The following MYO9B variants were observed in gnomAD, a reference collection of about 807,000 sequenced individuals.
MYO9B encodes the protein myosin IXB.
Under a neutral mutation model 229.5 loss-of-function variants are expected in MYO9B, and 71 were observed. That is an observed-to-expected ratio of 0.31 (90% CI 0.26 to 0.38). The LOEUF is 0.38. Among genes scored for constraint, MYO9B ranks in the 10% least tolerant of loss-of-function variants. The pLI is 1.00. For synonymous variants in MYO9B, 1,185 were observed against 1,235.8 expected (o/e 0.96, Z 0.86); for missense variants, 2,255 against 2,920.5 (o/e 0.77, Z 5.25).
chr19:17,161,767 G>A (rs111318840), intron 8 of MYO9B, among the ~76,000 whole-genome samples: 4,227 of 152,136 alleles, frequency 0.028, 87 homozygotes, highest in South Asian at 0.089. Context: ...AGTGAGCCAA[G>A]ACTGTGTCAC....
rs13345048 is a variant in MYO9B, at chr19:17,198,506, G to A, written c.4238+198G>A. 3.9e-3 allele frequency among the ~76,000 whole-genome samples: 592 copies of A among 152,226 alleles called. 6 individuals carry two copies. Among genetic ancestry groups the A allele is most frequent in the African/African-American group, 0.014 (570 of 41,542 alleles). On this transcript the variant is annotated intron_variant, in intron 24 of 39. Coordinates refer to ENST00000682292, the MANE Select transcript of MYO9B (RefSeq NM_004145.4). ...TCCCAGCACTTTGGGATGCCGAGAC[G>A]GGTGGATCACTTGAGGTCAGGAGTT...
chr19:17,107,599 CG>C (rs959149668), intron 2 of MYO9B, among the ~76,000 whole-genome samples: 1 of 152,178 alleles, frequency 6.6e-6, no homozygotes, highest in African/African-American at 2.4e-5. Context: ...AAGGTGTCCA[CG>C]GGGCCGCACT....
chr19:17,133,710 C>T (rs1369865561), intron 2 of MYO9B, among the ~76,000 whole-genome samples: 1 of 152,044 alleles, frequency 6.6e-6, no homozygotes, highest in African/African-American at 2.4e-5. Context: ...TCTCTGCCTC[C>T]CAAAGTGCTG....
Position 17,194,708 on chromosome 19 carries a change from G to A in MYO9B, c.3281G>A (p.Gly1094Asp). Residue 1094 changes from glycine to aspartate, a missense_variant, in exon 22 of 40, where the codon GGC becomes GAC. Physicochemically the swap from Gly to Asp is moderately conservative, Grantham distance 94. Around this residue, in one of 7 missense-constraint regions of MYO9B, gnomAD observed 679 missense variants for 770.2 expected, o/e 0.88. Coordinates refer to ENST00000682292, the MANE Select transcript of MYO9B (RefSeq NM_004145.4). ...AEQGPEPAEDGGHLASEPEVQ... is the reference protein window; with the variant it reads ...AEQGPEPAEDDGHLASEPEVQ... ...CAGGGGCCGGAGCCAGCGGAGGATG[G>A]CGGGCACCTGGCATCGGAGCCTGAG... is the stretch of plus-strand genomic sequence containing the variant. 1 of 1,612,886 alleles carries A rather than the reference G, an allele frequency of 6.2e-7. No homozygotes were observed. Among genetic ancestry groups the A allele is most frequent in the Non-Finnish European group, 8.5e-7 (1 of 1,179,886 alleles).
At chr19:17,078,248 GA>G (rs775113325) in intron 1 of MYO9B, among the ~76,000 whole-genome samples, 10 of 152,174 alleles carry the variant, frequency 6.6e-5, no homozygotes, top group Non-Finnish European at 1.5e-4. Flanking sequence ...TTCCTCTTCA[GA>G]AAGAATGGAG....
intron 2 of MYO9B, among the ~76,000 whole-genome samples, chr19:17,108,156 C>G (rs1230331863): frequency 6.6e-6 from 1 of 152,222 alleles, no homozygotes; most frequent in African/African-American, 2.4e-5. Context: ...CTCTGTGAGT[C>G]AGACCCCCGG....
intron 21 of MYO9B, 70 bp from the exon 22 acceptor site, chr19:17,194,486 A>T (rs980199306): frequency 2.0e-5 from 31 of 1,544,720 alleles, no homozygotes; most frequent in Middle Eastern, 3.5e-4. Context: ...TGGGGGTCCC[A>T]TCGGAACTCA....
intron 16 of MYO9B, 33 bp downstream of exon 16, chr19:17,183,901 TC>T: frequency 6.5e-7 from 1 of 1,544,334 alleles, no homozygotes; most frequent in Non-Finnish European, 8.7e-7. Context: ...CGCGACACGT[TC>T]CAAGATATCT....
chr19:17,211,474 T>G (rs1456347569), intron 38 of MYO9B, among the ~76,000 whole-genome samples, 173 bp from the exon 39 acceptor site: 1 of 151,948 alleles, frequency 6.6e-6, no homozygotes, highest in Non-Finnish European at 1.5e-5. Flanking sequence ...AGGGTCCGCC[T>G]ATGTTGCCCA....
At chr19:17,176,292 T>C (rs1039138442) in intron 14 of MYO9B, among the ~76,000 whole-genome samples, 1 of 152,092 alleles carries the variant, frequency 6.6e-6, no homozygotes, top group African/African-American at 2.4e-5. Flanking sequence ...CGCCTCAGCC[T>C]CCCAAAGTGC....
At chr19:17,123,411 A>T (rs2057983511) in intron 2 of MYO9B, among the ~76,000 whole-genome samples, 1 of 143,460 alleles carries the variant, frequency 7.0e-6, no homozygotes, top group Non-Finnish European at 1.5e-5. Context: ...CACTGCCTTT[A>T]TACAGTAGAA....
At position 17,198,255 on chromosome 19, in the gene MYO9B, C is replaced by T. The variant is rs370463041; in HGVS notation, c.4185C>T (p.Asp1395=). ...KPAVQKKKPG[D]ASSLPDAGLS... The stretch of plus-strand genomic sequence containing the variant: ...CTGTCCAGAAGAAGAAGCCAGGCGA[C>T]GCATCCTCCCTCCCAGACGCAGGGC... Residue 1395 remains aspartate (D), a synonymous_variant, in exon 24 of 40, where the codon GAC becomes GAT. Transcript: ENST00000682292. 19 of 1,613,924 alleles carry T rather than the reference C, an allele frequency of 1.2e-5. No individual in the cohort carries two copies. Among genetic ancestry groups the T allele is most frequent in the Middle Eastern group, 1.6e-4 (1 of 6,062 alleles).
chr19:17,168,391 C>T (rs2072684217), intron 11 of MYO9B, among the ~76,000 whole-genome samples: 2 of 152,142 alleles, frequency 1.3e-5, no homozygotes, highest in South Asian at 4.1e-4. Context: ...GTCTTGAACT[C>T]CTTAGCTCAA....
At position 17,194,764 on chromosome 19, in the gene MYO9B, C is replaced by G. The variant is rs1301941034; in HGVS notation, c.3337C>G (p.His1113Asp). The change falls in exon 22 of 40, where the codon CAC becomes GAC. Residue 1113 changes from histidine (H) to aspartate (D), a missense_variant. Transcript: ENST00000682292. ...VQPSDRSPLE[H>D]SSPEKEAPSP... ...GCCAAGTGACAGGTCCCCCCTAGAG[C>G]ACTCCTCACCTGAGAAGGAGGCCCC... 6.2e-7 allele frequency: 1 copy of G among 1,613,240 alleles called. No individual in the cohort carries two copies. The highest frequency in any genetic ancestry group is 8.5e-7 in the Non-Finnish European group (1 of 1,179,880).
Position 17,075,885 on chromosome 19 carries a change from G to A in MYO9B, c.-59+11G>A, listed in dbSNP as rs2057476745. 2 of 151,680 alleles carry A rather than the reference G, an allele frequency of 1.3e-5. No homozygotes were observed. Among genetic ancestry groups the A allele is most frequent in the African/African-American group, 4.8e-5 (2 of 41,306 alleles). The allele number at this position is 151,680 out of a possible 1,614,324, so 9.4% of individuals were successfully genotyped here. ...GGCGGCCGAGGCCAGGTGAGTACCA[G>A]GCAGCCTCGGGTTGGCGACTCGAGC... On this transcript the variant is annotated intron_variant, in intron 1 of 39. Transcript: ENST00000682292.
chr19:17,113,132 T>G (rs1473113428), intron 2 of MYO9B, among the ~76,000 whole-genome samples: 4 of 152,170 alleles, frequency 2.6e-5, no homozygotes, highest in Admixed American at 6.5e-5. Flanking sequence ...TGGCTTGAGT[T>G]GTGTCTATGT....
Position 17,193,100 on chromosome 19 carries a change from G to A in MYO9B, c.3128+38G>A. 1.4e-6 allele frequency: 2 copies of A among 1,422,238 alleles called. No homozygotes were observed. The highest frequency in any genetic ancestry group is 1.8e-6 in the Non-Finnish European group (2 of 1,089,114). 88.1% of individuals were successfully genotyped at this position (1,422,238 alleles called of 1,614,324 possible). Reference sequence around the variant, plus strand: ...GGGCCACGCTCCTCGGAATATTCCAGAAGCCAAAAAGGTCACTCACCAAAT... The same window carrying A: ...GGGCCACGCTCCTCGGAATATTCCAAAAGCCAAAAAGGTCACTCACCAAAT... On this transcript the variant is annotated intron_variant, in intron 21 of 39. Coordinates refer to ENST00000682292, the MANE Select transcript of MYO9B (RefSeq NM_004145.4). This position sits in a 1 kb window ranked among gnomAD's most constrained non-coding sequence, Gnocchi z 4.3.
chr19:17,206,605 G>C, intron 33 of MYO9B, 74 bp from the exon 34 acceptor site: 1 of 1,389,020 alleles, frequency 7.2e-7, no homozygotes, highest in Non-Finnish European at 9.9e-7. Flanking sequence ...GTGCATCTCA[G>C]GTCGTGTTGG....
chr19:17,089,111 G>A (rs989166893), intron 1 of MYO9B, among the ~76,000 whole-genome samples: 9 of 152,098 alleles, frequency 5.9e-5, no homozygotes, highest in Non-Finnish European at 8.8e-5. Context: ...GCACGTGAGC[G>A]TGGCCATCTT....
Sources: allele counts gnomAD v4.1 joint callset (sites outside exome capture counted in the v4.1 genomes callset), GRCh38; gene constraint gnomAD v4.1.1; regional missense constraint gnomAD v4.1.1; non-coding constraint Gnocchi (gnomAD v3.1); transcripts MANE v1.5; gene names NCBI Gene and HGNC (gene_info 2026-07-23, HGNC 2026-07-21).